ITGB3BP: variants seen among roughly 807,000 people sequenced by gnomAD.
ITGB3BP encodes integrin subunit beta 3 binding protein, also known as centromere protein R.
In ITGB3BP, 27 loss-of-function variants were observed where a neutral mutation model predicts 29.1. The observed-to-expected ratio is 0.93, with a 90% CI of 0.68 to 1.28. The LOEUF is 1.28. ITGB3BP is among the 50% of genes most tolerant of loss of function. The probability of loss-of-function intolerance (pLI) is 0.00; values close to 1 mark genes in which losing one functional copy is unlikely to be tolerated. For missense variants in ITGB3BP, 192 were observed against 200.2 expected, an observed-to-expected ratio of 0.96 and a Z score of 0.25; for synonymous variants, 61 against 61.4, an observed-to-expected ratio of 0.99 and a Z score of 0.03.
At chr1:63,449,885 G>C (rs1167213834) in intron 7 of ITGB3BP, 2 of 152,656 alleles carry the variant, frequency 1.3e-5, no homozygotes, top group African/African-American at 4.8e-5. Flanking sequence ...AGTCTTCTGG[G>C]AGTGAAATTA....
chr1:63,441,760 C>T (rs1464867886), intron 8 of ITGB3BP, among the ~76,000 whole-genome samples: 3 of 152,170 alleles, frequency 2.0e-5, no homozygotes, highest in African/African-American at 4.8e-5. Flanking sequence ...GCCCAAAAGA[C>T]AGTATTTACT....
chr1:63,463,302 G>A (rs968041110), intron 4 of ITGB3BP, among the ~76,000 whole-genome samples: 1 of 150,554 alleles, frequency 6.6e-6, no homozygotes, highest in African/African-American at 2.4e-5. Context: ...TCCTCGCGGT[G>A]ATGGAACTGT....
At chr1:63,525,588 C>T (rs1646574205), upstream of ITGB3BP, 8 of 1,566,516 alleles carry the variant, frequency 5.1e-6, no homozygotes, top group East Asian at 2.3e-5. Flanking sequence ...GATCAGTCCA[C>T]GAAGCGATGC....
rs114433806 is a variant in ITGB3BP, at chr1:63,487,096, T to C, written c.184+2987A>G. 4.4e-3 allele frequency among the ~76,000 whole-genome samples: 672 copies of C among 152,176 alleles called. 5 individuals carry two copies. Among genetic ancestry groups the C allele is most frequent in the African/African-American group, 0.015 (618 of 41,564 alleles). On this transcript the variant is annotated intron_variant, in intron 3 of 8. Coordinates refer to ENST00000271002, the MANE Select transcript of ITGB3BP (RefSeq NM_014288.5). Reference sequence around the variant, plus strand: ...TAGTTTTGATAAATTTTATTTTTTATAATAAATTTGTGTATGTTTTATGGT... The same window carrying C: ...TAGTTTTGATAAATTTTATTTTTTACAATAAATTTGTGTATGTTTTATGGT...
At chr1:63,518,966 T>C (rs1033505048) in intron 1 of ITGB3BP, among the ~76,000 whole-genome samples, 1 of 152,164 alleles carries the variant, frequency 6.6e-6, no homozygotes, top group African/African-American at 2.4e-5. Flanking sequence ...CTACTTCATG[T>C]AAAAGAGAAG....
At chr1:63,513,006 A>G (rs763636468) in intron 1 of ITGB3BP, among the ~76,000 whole-genome samples, 12 of 152,154 alleles carry the variant, frequency 7.9e-5, no homozygotes, top group Non-Finnish European at 7.4e-5. Flanking sequence ...ATATTTCCCC[A>G]TGATTAGGTT....
chr1:63,493,088 A>ACGCGCG (rs66981141), intron 2 of ITGB3BP, among the ~76,000 whole-genome samples: 8 of 148,726 alleles, frequency 5.4e-5, no homozygotes, highest in South Asian at 2.1e-4. Context: ...ACACACACAC[A>ACGCGCG]CGCGCGCGCG....
At chr1:63,474,685 T>C (rs1645298301) in intron 4 of ITGB3BP, among the ~76,000 whole-genome samples, 1 of 151,972 alleles carries the variant, frequency 6.6e-6, no homozygotes, top group Admixed American at 6.6e-5. Context: ...AAACAGATGC[T>C]TGAAGGCAGC....
intron 4 of ITGB3BP, among the ~76,000 whole-genome samples, chr1:63,478,525 C>T (rs746248355): frequency 5.3e-5 from 8 of 152,306 alleles, no homozygotes; most frequent in South Asian, 2.1e-4. Context: ...TGGTCTATTA[C>T]GCATAGGCTC....
chr1:63,493,133 T>C (rs113138139), intron 2 of ITGB3BP, among the ~76,000 whole-genome samples: 2 of 148,824 alleles, frequency 1.3e-5, no homozygotes, highest in African/African-American at 5.0e-5. Flanking sequence ...ACTTCTATAA[T>C]AATTTACAAC....
At chr1:63,500,587 T>G (rs1158686020) in intron 2 of ITGB3BP, among the ~76,000 whole-genome samples, 2 of 152,120 alleles carry the variant, frequency 1.3e-5, no homozygotes, top group East Asian at 3.9e-4. Flanking sequence ...ACTATAAGAC[T>G]TGTATACTGA....
Position 63,504,236 on chromosome 1 carries a change from G to T in ITGB3BP, c.48+4292C>A, listed in dbSNP as rs559740122. Among the ~76,000 whole-genome samples the T allele has an allele frequency of 4.6e-5, 7 of 152,018 alleles. No homozygotes were observed. The South Asian group carries it at 1.2e-3, about 27-fold the overall frequency. On this transcript the variant is annotated intron_variant, in intron 2 of 8. Transcript: ENST00000271002. ...CTTAAAGAGGTCCTTCACATCCCTT[G>T]TAAGTTGGATTCCTAGGTATTTTAT...
chr1:63,465,103 A>C (rs1645076805), intron 4 of ITGB3BP, among the ~76,000 whole-genome samples: 1 of 152,202 alleles, frequency 6.6e-6, no homozygotes, highest in Non-Finnish European at 1.5e-5. Context: ...TAATATTTTT[A>C]CTATGGTTAA....
intron 2 of ITGB3BP, among the ~76,000 whole-genome samples, chr1:63,502,203 G>A (rs1645948977): frequency 6.6e-6 from 1 of 152,120 alleles, no homozygotes; most frequent in African/African-American, 2.4e-5. Context: ...TGCTTGGAGA[G>A]CAACAACTCA....
intron 1 of ITGB3BP, among the ~76,000 whole-genome samples, chr1:63,520,602 A>G (rs189079932): frequency 6.8e-4 from 104 of 152,346 alleles, no homozygotes; most frequent in African/African-American, 2.2e-3. Flanking sequence ...TTTAAGTAGT[A>G]CATACTAAAT....
In ITGB3BP at chr1:63,508,824, T is replaced by C. The variant is rs541711904; in HGVS notation, c.6-254A>G. Among the ~76,000 whole-genome samples, 36 of 152,270 alleles carry C rather than the reference T, an allele frequency of 2.4e-4. 2 individuals are homozygous for C. In the South Asian group the frequency reaches 6.6e-3, roughly 28 times the overall value. Reference sequence around the variant, plus strand: ...TTTAAAAAATATATGCAGTTATATATACAAGGACTACCGTACAATTTAAAC... The same window carrying C: ...TTTAAAAAATATATGCAGTTATATACACAAGGACTACCGTACAATTTAAAC... On this transcript the variant is annotated intron_variant, in intron 1 of 8. Transcript: ENST00000271002.
In ITGB3BP at chr1:63,454,871, A is replaced by G; in HGVS notation, c.333+19T>C. On this transcript the variant is annotated intron_variant, in intron 5 of 8. Coordinates refer to ENST00000271002, the MANE Select transcript of ITGB3BP (RefSeq NM_014288.5). The surrounding 1 kb of genome is among the most constrained non-coding windows in gnomAD (Gnocchi z 4.1). ...TTTTATCCTTTTCAAACAGGGTAGA[A>G]GTATGAAAAAATGCAAACCTGTATA... 1 of 1,162,918 alleles carries G rather than the reference A, an allele frequency of 8.6e-7. No individual in the cohort carries two copies. Among genetic ancestry groups the G allele is most frequent in the Non-Finnish European group, 1.3e-6 (1 of 776,762 alleles). 72.0% of individuals were successfully genotyped at this position (1,162,918 alleles called of 1,614,324 possible). A position where few individuals can be genotyped will look rare whatever the true frequency, so the allele number is the denominator to read the frequency against.
At chr1:63,444,490 ATATATATTACATATAGGAT>A (rs1169032309) in intron 8 of ITGB3BP, among the ~76,000 whole-genome samples, 1 of 146,624 alleles carries the variant, frequency 6.8e-6, no homozygotes, top group Non-Finnish European at 1.5e-5. Context: ...CATATAGGAT[ATATATATTACATATAGGAT>A]ATATATGTAT....
In ITGB3BP at chr1:63,467,821, C is replaced by T. The variant is rs74471962; in HGVS notation, c.254+10943G>A. ...ACAGCCTCTACCAAAAAGAATTACC[C>T]AACCCAAATGTCAACAGTGCTGAGA... On this transcript the variant is annotated intron_variant, in intron 4 of 8. Transcript: ENST00000271002. 1.7e-3 allele frequency among the ~76,000 whole-genome samples: 257 copies of T among 152,278 alleles called. 1 individual carries two copies. Among genetic ancestry groups the T allele is most frequent in the Non-Finnish European group, 2.4e-3 (163 of 68,014 alleles).
Sources: allele counts gnomAD v4.1 joint callset (sites outside exome capture counted in the v4.1 genomes callset), GRCh38; gene constraint gnomAD v4.1.1; non-coding constraint Gnocchi (gnomAD v3.1); transcripts MANE v1.5; gene names NCBI Gene and HGNC (gene_info 2026-07-23, HGNC 2026-07-21).